Variants in KDM1B observed in about 807,000 individuals in gnomAD.
KDM1B encodes the protein lysine demethylase 1B.
A neutral mutation model predicts 107.4 loss-of-function variants in KDM1B; 63 were observed. The observed-to-expected ratio is 0.59, with a 90% CI of 0.48 to 0.72. The LOEUF (loss-of-function observed/expected upper bound fraction) is 0.72. Ranked by LOEUF, KDM1B falls within the 30% of genes least tolerant of loss-of-function variation. The pLI is 0.00. For missense variants in KDM1B, 749 were observed against 1,020.8 expected, an observed-to-expected ratio of 0.73 and a Z score of 3.63; for synonymous variants, 363 against 363.9, an observed-to-expected ratio of 1.00 and a Z score of 0.03.
chr6:18,173,287 C>A (rs6912910), intron 7 of KDM1B, among the ~76,000 whole-genome samples: 135,393 of 152,166 alleles, frequency 0.89, 60,304 homozygotes, highest in East Asian at 0.91. Flanking sequence ...CATTTCCCTA[C>A]TAACTGGTGA....
rs1236164758 is a variant in KDM1B, at chr6:18,197,394, C to G, written c.1146+161C>G. Among the ~76,000 whole-genome samples the G allele has an allele frequency of 6.6e-6, 1 of 152,250 alleles. No individual in the cohort carries two copies. Among genetic ancestry groups the G allele is most frequent in the East Asian group, 1.9e-4 (1 of 5,200 alleles). ...TCTCCTGAAAGGAGAATATCAAGCA[C>G]TCTTTCCCCAGATTGTAGGGAAAAA... is the stretch of plus-strand genomic sequence containing the variant. On this transcript the variant is annotated intron_variant, in intron 11 of 21. Coordinates refer to ENST00000650836, the MANE Select transcript of KDM1B (RefSeq NM_001364614.2). This position sits in a 1 kb window ranked among gnomAD's most constrained non-coding sequence, Gnocchi z 4.5.
Position 18,213,135 on chromosome 6 carries a change from G to C in KDM1B, c.1984-521G>C, listed in dbSNP as rs1788972357. Among the ~76,000 whole-genome samples the C allele has an allele frequency of 6.6e-6, 1 of 152,084 alleles. No homozygotes were observed. Among genetic ancestry groups the C allele is most frequent in the Admixed American group, 6.6e-5 (1 of 15,262 alleles). On this transcript the variant is annotated intron_variant, in intron 18 of 21. Coordinates refer to ENST00000650836, the MANE Select transcript of KDM1B (RefSeq NM_001364614.2). The surrounding 1 kb of genome is among the most constrained non-coding windows in gnomAD (Gnocchi z 5.9). ...TTATCCATGGGAATGGAACTGAGTG[G>C]CATCAAAAGCAAGGAGCTGGGCTGG...
intron 2 of KDM1B, among the ~76,000 whole-genome samples, chr6:18,158,211 G>A (rs547036114): frequency 2.6e-5 from 4 of 151,424 alleles, no homozygotes; most frequent in Admixed American, 6.6e-5. Flanking sequence ...GAACTATAGT[G>A]CATTTCAGAA....
intron 7 of KDM1B, among the ~76,000 whole-genome samples, chr6:18,179,760 A>AGG (rs1220781729): frequency 2.1e-5 from 3 of 144,078 alleles, no homozygotes; most frequent in Non-Finnish European, 4.5e-5. Context: ...AGAGTGAGGG[A>AGG]GGGGAAGCAT....
chr6:18,222,070 AG>A lies in KDM1B; in HGVS notation c.*83del, dbSNP rs1789799346. ...ACATGTTAAACCTCAGTTTTATAAG[AG>A]GGGGAAAAAACCGTCTCTACATAGT... On this transcript the variant is annotated 3_prime_UTR_variant, in exon 22 of 22. Transcript: ENST00000650836. 1 of 1,307,606 alleles carries A rather than the reference AG, an allele frequency of 7.6e-7. No individual in the cohort carries two copies. Among genetic ancestry groups the A allele is most frequent in the Non-Finnish European group, 1.1e-6 (1 of 900,832 alleles). 81.0% of individuals were successfully genotyped at this position (1,307,606 alleles called of 1,614,324 possible).
At chr6:18,177,855 A>G (rs925772588) in intron 7 of KDM1B, among the ~76,000 whole-genome samples, 1 of 152,144 alleles carries the variant, frequency 6.6e-6, no homozygotes, top group Admixed American at 6.5e-5. Context: ...TGCTACAATG[A>G]CAGTATTTGC....
chr6:18,185,881 A>G (rs1786821323), intron 8 of KDM1B, 71 bp downstream of exon 8: 1 of 1,355,146 alleles, frequency 7.4e-7, no homozygotes, highest in Non-Finnish European at 1.1e-6. Flanking sequence ...AGGAAATGAT[A>G]GTAACAGCTT....
chr6:18,166,195 C>A, intron 5 of KDM1B, 72 bp from the exon 6 acceptor site: 1 of 704,404 alleles, frequency 1.4e-6, no homozygotes, highest in South Asian at 1.6e-5. Flanking sequence ...AACCTGCCTC[C>A]TGTTTTGAAA....
chr6:18,204,081 G>A lies in KDM1B; in HGVS notation c.1532-1456G>A, dbSNP rs981530189. Among the ~76,000 whole-genome samples, 4 of 152,024 alleles carry A rather than the reference G, an allele frequency of 2.6e-5. No homozygotes were observed. Among genetic ancestry groups the A allele is most frequent in the Non-Finnish European group, 4.4e-5 (3 of 68,014 alleles). The stretch of plus-strand genomic sequence containing the variant: ...AAATCTGGAGGCCTCTTGGGCATCC[G>A]CATGTTACAATCTAGTGCAAGAACT... On this transcript the variant is annotated intron_variant, in intron 14 of 21. Coordinates refer to ENST00000650836, the MANE Select transcript of KDM1B (RefSeq NM_001364614.2). The surrounding 1 kb of genome is among the most constrained non-coding windows in gnomAD (Gnocchi z 4.9).
In KDM1B at chr6:18,191,900, A is replaced by G. The variant is rs1051964133; in HGVS notation, c.969+519A>G. On this transcript the variant is annotated intron_variant, in intron 10 of 21. Transcript: ENST00000650836. This position sits in a 1 kb window ranked among gnomAD's most constrained non-coding sequence, Gnocchi z 5.1. ...TCTAAATACATGTTAGGGCTGTCAC[A>G]CTGTACCCACCTTGAAAAAGGTGAA... is the stretch of plus-strand genomic sequence containing the variant. Among the ~76,000 whole-genome samples, 1 of 152,156 alleles carries G rather than the reference A, an allele frequency of 6.6e-6. No homozygotes were observed. Among genetic ancestry groups the G allele is most frequent in the Non-Finnish European group, 1.5e-5 (1 of 68,032 alleles).
intron 17 of KDM1B, among the ~76,000 whole-genome samples, chr6:18,208,800 A>G (rs1788605739): frequency 1.4e-5 from 2 of 139,532 alleles, no homozygotes; most frequent in Admixed American, 7.4e-5. Flanking sequence ...ACCCGCCATC[A>G]CGCCTGGCTA....
chr6:18,213,172 C>T lies in KDM1B; in HGVS notation c.1984-484C>T, dbSNP rs1393197176. 3.3e-5 allele frequency among the ~76,000 whole-genome samples: 5 copies of T among 152,168 alleles called. No homozygotes were observed. The highest frequency in any genetic ancestry group is 7.3e-5 in the Non-Finnish European group (5 of 68,030). The stretch of plus-strand genomic sequence containing the variant: ...AGGAGCTGGGCTGGGCACAGTGGCT[C>T]ATGCCTGTAATCCCAGCACTTTGGA... On this transcript the variant is annotated intron_variant, in intron 18 of 21. Transcript: ENST00000650836. This position sits in a 1 kb window ranked among gnomAD's most constrained non-coding sequence, Gnocchi z 5.9.
rs1205455167 is a variant in KDM1B at position 18,222,883 on chromosome 6, A to AT, written c.*896dup. Reference sequence around the variant, plus strand: ...AAGCACTGATTCAATTGCTAGGAATATTTTTGCAGATTTTTCTTTACAGTA... The same window carrying AT: ...AAGCACTGATTCAATTGCTAGGAATATTTTTTGCAGATTTTTCTTTACAGTA... On this transcript the variant is annotated 3_prime_UTR_variant, in exon 22 of 22. Transcript: ENST00000650836. 6.6e-6 allele frequency: 1 copy of AT among 152,586 alleles called. No individual in the cohort carries two copies. Among genetic ancestry groups the AT allele is most frequent in the Non-Finnish European group, 1.5e-5 (1 of 68,022 alleles). 9.5% of individuals were successfully genotyped at this position (152,586 alleles called of 1,614,324 possible). A position where few individuals can be genotyped will look rare whatever the true frequency, so the allele number is the denominator to read the frequency against.
intron 12 of KDM1B, among the ~76,000 whole-genome samples, chr6:18,198,110 G>A (rs778994343): frequency 4.0e-5 from 6 of 151,850 alleles, no homozygotes; most frequent in South Asian, 2.1e-4. Flanking sequence ...TGGCCAGGCC[G>A]GTCTTGAACT....
chr6:18,215,741 C>CTTT (rs779967439), intron 20 of KDM1B, among the ~76,000 whole-genome samples: 1 of 140,704 alleles, frequency 7.1e-6, no homozygotes, highest in Non-Finnish European at 1.6e-5. Flanking sequence ...ACACACTTCC[C>CTTT]TTTTTTTTTT....
rs1243351709 is a variant in KDM1B at position 18,201,516 on chromosome 6, A to G, written c.1390A>G (p.Arg464Gly). 3.9e-6 allele frequency: 6 copies of G among 1,549,568 alleles called. No homozygotes were observed. Reference sequence around the variant, plus strand: ...CATCAGCATGCATAAATTTGGAGAAAGATGTGACTTAATTCAGGAAGGTGG... The same window carrying G: ...CATCAGCATGCATAAATTTGGAGAAGGATGTGACTTAATTCAGGAAGGTGG... ...LGISMHKFGERCDLIQEGGRI... is the reference protein window; with the variant it reads ...LGISMHKFGEGCDLIQEGGRI... Residue 464 changes from arginine (R) to glycine (G), a missense_variant, in exon 14 of 22, where the codon AGA becomes GGA. Physicochemically the swap from Arg to Gly is moderately radical, Grantham distance 125. Transcript: ENST00000650836. The surrounding 1 kb of genome is among the most constrained non-coding windows in gnomAD (Gnocchi z 4.3).
chr6:18,197,275 G>C lies in KDM1B; in HGVS notation c.1146+42G>C, dbSNP rs1415978709. ...TTAGCGATAGCCTTGCCATTGATCA[G>C]GACAAACGCTAGTCTGTTGCTGTTA... On this transcript the variant is annotated intron_variant, in intron 11 of 21. Transcript: ENST00000650836. This position sits in a 1 kb window ranked among gnomAD's most constrained non-coding sequence, Gnocchi z 4.5. The C allele has an allele frequency of 3.2e-6, 5 of 1,540,866 alleles. No individual in the cohort carries two copies. Among genetic ancestry groups the C allele is most frequent in the Non-Finnish European group, 4.4e-6 (5 of 1,123,862 alleles).
chr6:18,213,541 T>G lies in KDM1B; in HGVS notation c.1984-115T>G. The G allele has an allele frequency of 2.1e-6, 2 of 971,586 alleles. No homozygotes were observed. The highest frequency in any genetic ancestry group is 2.4e-5 in the East Asian group (1 of 40,934). 60.2% of individuals were successfully genotyped at this position (971,586 alleles called of 1,614,324 possible). On this transcript the variant is annotated intron_variant, in intron 18 of 21. Coordinates refer to ENST00000650836, the MANE Select transcript of KDM1B (RefSeq NM_001364614.2). This position sits in a 1 kb window ranked among gnomAD's most constrained non-coding sequence, Gnocchi z 5.9. ...GAATGGAAAGAGCGGTATTTGGGGT[T>G]GTTCTTTCGGGCAGTGTCTTTGTTT... is the stretch of plus-strand genomic sequence containing the variant.
At chr6:18,181,628 C>T (rs552093519) in intron 7 of KDM1B, among the ~76,000 whole-genome samples, 97 of 152,192 alleles carry the variant, frequency 6.4e-4, no homozygotes, top group African/African-American at 2.1e-3. Flanking sequence ...CTCCTGTAGT[C>T]CCGGCTACTT....
Sources: gnomAD v4.1 joint callset for allele counts (sites outside exome capture counted in the v4.1 genomes callset) on GRCh38, gnomAD v4.1.1 for gene constraint, Gnocchi (gnomAD v3.1) non-coding constraint, MANE v1.5 for transcripts, NCBI Gene and HGNC (gene_info 2026-07-23, HGNC 2026-07-21) for gene names.